The following SYNDIG1 variants were observed in gnomAD, a reference collection of about 807,000 sequenced individuals.
The protein encoded by SYNDIG1 is synapse differentiation inducing 1, also known as synapse differentiation-inducing gene protein 1.
A neutral mutation model predicts 19.4 loss-of-function variants in SYNDIG1; 9 were observed. That is an observed-to-expected ratio of 0.46 (90% CI 0.28 to 0.81). The LOEUF (loss-of-function observed/expected upper bound fraction) is 0.81. SYNDIG1 is among the 30% of genes least tolerant of loss of function. The pLI, the probability that SYNDIG1 is intolerant of heterozygous loss-of-function variation, is 0.12. For synonymous variants in SYNDIG1, 141 were observed against 145.9 expected (o/e 0.97, Z 0.24); for missense variants, 311 against 343.3 (o/e 0.91, Z 0.74).
chr20:24,630,862 G>A (rs2059230803), intron 3 of SYNDIG1, among the ~76,000 whole-genome samples: 1 of 152,226 alleles, frequency 6.6e-6, no homozygotes, highest in African/African-American at 2.4e-5. Context: ...TTGGTGGTGA[G>A]ACTAATACCG....
chr20:24,629,237 C>T (rs2059204852), intron 3 of SYNDIG1, among the ~76,000 whole-genome samples: 1 of 152,180 alleles, frequency 6.6e-6, no homozygotes, highest in African/African-American at 2.4e-5. Context: ...ATGTCGGCTC[C>T]CCGCTTATGC....
Position 24,655,775 on chromosome 20 carries a change from C to CA in SYNDIG1, c.619-9555dup, listed in dbSNP as rs11087474. Among the ~76,000 whole-genome samples the CA allele has an allele frequency of 8.6e-3, 1,142 of 132,524 alleles. 12 individuals are homozygous for CA. The highest frequency in any genetic ancestry group is 0.037 in the East Asian group (172 of 4,644). 86.9% of individuals were successfully genotyped at this position (132,524 alleles called of 152,430 possible). The stretch of plus-strand genomic sequence containing the variant: ...AGCAGAAATACATCTGTATACTCAT[C>CA]AAAAAAAAAAAAAAAAGACTAGAAT... On this transcript the variant is annotated intron_variant, in intron 3 of 3. Transcript: ENST00000376862.
chr20:24,543,858 G>A (rs975025105), intron 2 of SYNDIG1, among the ~76,000 whole-genome samples: 1 of 152,102 alleles, frequency 6.6e-6, no homozygotes, highest in Admixed American at 6.6e-5. Flanking sequence ...TGGGTTCATC[G>A]GTTTTCCCTG....
intron 1 of SYNDIG1, among the ~76,000 whole-genome samples, chr20:24,538,649 T>C (rs2057408035): frequency 6.6e-6 from 1 of 152,254 alleles, no homozygotes; most frequent in Admixed American, 6.5e-5. Flanking sequence ...ACGGTAATTC[T>C]ATTTTTAATT....
intron 1 of SYNDIG1, among the ~76,000 whole-genome samples, chr20:24,510,689 TG>T (rs1360371151): frequency 7.9e-5 from 12 of 152,206 alleles, no homozygotes; most frequent in Non-Finnish European, 1.5e-4. Flanking sequence ...GTATTATGTA[TG>T]TCTGAATCTG....
chr20:24,604,852 C>T (rs1600726156), intron 3 of SYNDIG1, among the ~76,000 whole-genome samples: 1 of 152,192 alleles, frequency 6.6e-6, no homozygotes, highest in Admixed American at 6.6e-5. Context: ...GGACTCCTTT[C>T]CGGTAACACT....
chr20:24,560,718 A>C (rs1183139071), intron 2 of SYNDIG1, among the ~76,000 whole-genome samples: 2 of 137,838 alleles, frequency 1.5e-5, no homozygotes, highest in African/African-American at 2.8e-5. Flanking sequence ...TTTTTTTTAA[A>C]CTAGGTATGG....
chr20:24,614,385 T>C (rs1171082217), intron 3 of SYNDIG1, among the ~76,000 whole-genome samples: 1 of 152,212 alleles, frequency 6.6e-6, no homozygotes, highest in Non-Finnish European at 1.5e-5. Flanking sequence ...ACAATAAATA[T>C]ACTTTTTTGT....
chr20:24,601,184 C>A lies in SYNDIG1; in HGVS notation c.618+16191C>A, dbSNP rs186721706. Among the ~76,000 whole-genome samples, 46 of 152,248 alleles carry A rather than the reference C, an allele frequency of 3.0e-4. 1 individual carries two copies. In the East Asian group the frequency reaches 8.5e-3, roughly 28 times the overall value. On this transcript the variant is annotated intron_variant, in intron 3 of 3. Coordinates refer to ENST00000376862, the MANE Select transcript of SYNDIG1 (RefSeq NM_024893.3). ...ACCAACCTTGCATTCCTAGAATAAA[C>A]CCTAATTGATCATAATTTGTATATG...
intron 1 of SYNDIG1, among the ~76,000 whole-genome samples, chr20:24,507,296 G>T (rs899539295): frequency 1.3e-5 from 2 of 152,244 alleles, no homozygotes; most frequent in Non-Finnish European, 2.9e-5. Flanking sequence ...GCCAGGGCTT[G>T]CCCAGGGATG....
rs1395743302 is a variant in SYNDIG1 at position 24,665,455 on chromosome 20, G to T, written c.728G>T (p.Gly243Val). The T allele has an allele frequency of 1.2e-6, 2 of 1,614,012 alleles. No homozygotes were observed. Among genetic ancestry groups the T allele is most frequent in the African/African-American group, 1.3e-5 (1 of 75,030 alleles). The change falls in exon 4 of 4, where the codon GGC (glycine) becomes GTC (valine). Residue 243 changes from glycine (G) to valine (V), a missense_variant. Coordinates refer to ENST00000376862, the MANE Select transcript of SYNDIG1 (RefSeq NM_024893.3). ...ACCATTGGGACTGGCGTCTATGTGG[G>T]CGTGGCCGTGGCCCTCATCGCCTAC... ...SITIGTGVYVGVAVALIAYLS... is the reference protein window; with the variant it reads ...SITIGTGVYVVVAVALIAYLS...
intron 1 of SYNDIG1, among the ~76,000 whole-genome samples, chr20:24,518,488 T>G (rs2056935104): frequency 6.6e-6 from 1 of 152,206 alleles, no homozygotes; most frequent in Non-Finnish European, 1.5e-5. Context: ...GCATTATCCT[T>G]GTCCCGTTGG....
chr20:24,506,045 C>T (rs558507030), intron 1 of SYNDIG1, among the ~76,000 whole-genome samples: 101 of 152,304 alleles, frequency 6.6e-4, no homozygotes, highest in Non-Finnish European at 1.2e-3. Context: ...CCTCCAGTGC[C>T]GACCCCAAGA....
intron 1 of SYNDIG1, among the ~76,000 whole-genome samples, chr20:24,482,537 A>G (rs940041221): frequency 2.0e-5 from 3 of 152,180 alleles, no homozygotes; most frequent in Non-Finnish European, 2.9e-5. Context: ...TTTCACTGAA[A>G]TGTTCACTGA....
At chr20:24,646,409 G>A (rs1327140586) in intron 3 of SYNDIG1, among the ~76,000 whole-genome samples, 1 of 152,178 alleles carries the variant, frequency 6.6e-6, no homozygotes, top group Non-Finnish European at 1.5e-5. Flanking sequence ...CAAGGGGGCA[G>A]ATCTCTCACG....
Position 24,523,375 on chromosome 20 carries a change from G to A in SYNDIG1, c.-78-19645G>A, listed in dbSNP as rs13036618. ...AACTCTTGGTCAAACTGATGATGAT[G>A]ACCACAACAACAATGATGTCAACTT... is the stretch of plus-strand genomic sequence containing the variant. On this transcript the variant is annotated intron_variant, in intron 1 of 3. Transcript: ENST00000376862. Among the ~76,000 whole-genome samples the A allele has an allele frequency of 4.5e-3, 682 of 152,304 alleles. 5 individuals are homozygous for A. Among genetic ancestry groups the A allele is most frequent in the Non-Finnish European group, 6.8e-3 (464 of 68,032 alleles).
chr20:24,645,188 G>T (rs2059411763), intron 3 of SYNDIG1, among the ~76,000 whole-genome samples: 1 of 152,204 alleles, frequency 6.6e-6, no homozygotes. Flanking sequence ...CTCTCCTGGT[G>T]GTGAAGTGAG....
intron 3 of SYNDIG1, among the ~76,000 whole-genome samples, chr20:24,647,759 T>C (rs891239217): frequency 1.1e-4 from 17 of 150,500 alleles, no homozygotes; most frequent in Admixed American, 6.0e-4. Flanking sequence ...GGATTTTTTT[T>C]CCAGCAACTA....
intron 2 of SYNDIG1, among the ~76,000 whole-genome samples, chr20:24,584,647 T>C (rs1177337257): frequency 6.6e-6 from 1 of 152,194 alleles, no homozygotes; most frequent in African/African-American, 2.4e-5. Flanking sequence ...ATTTTCCTGC[T>C]CTTGGCAAGC....
Sources: gnomAD v4.1 joint callset for allele counts (sites outside exome capture counted in the v4.1 genomes callset) on GRCh38, gnomAD v4.1.1 for gene constraint, MANE v1.5 for transcripts, NCBI Gene and HGNC (gene_info 2026-07-23, HGNC 2026-07-21) for gene names.